CSMD1: variants seen among roughly 807,000 people sequenced by gnomAD.
CSMD1 encodes CUB and sushi domain-containing protein 1.
A neutral mutation model predicts 417.5 loss-of-function variants in CSMD1; 213 were observed. The observed-to-expected ratio is 0.51, with a 90% CI of 0.46 to 0.57. The LOEUF (loss-of-function observed/expected upper bound fraction) is 0.57, where lower values mean the gene tolerates loss of function less well. Among genes scored for constraint, CSMD1 ranks in the 20% least tolerant of loss-of-function variants. CSMD1 has a pLI of 0.00. For synonymous variants in CSMD1, 2,862 were observed against 1,736.8 expected, an observed-to-expected ratio of 1.65 and a Z score of -16.11; for missense variants, 6,923 against 4,529.7, an observed-to-expected ratio of 1.53 and a Z score of -15.17.
intron 2 of CSMD1, among the ~76,000 whole-genome samples, chr8:4,597,720 A>G (rs1010381583): frequency 2.0e-5 from 3 of 152,300 alleles, no homozygotes; most frequent in South Asian, 4.1e-4. Context: ...GTTATATCAC[A>G]TGAAAAACTG....
At chr8:3,605,850 T>C (rs772658253) in intron 8 of CSMD1, among the ~76,000 whole-genome samples, 35 of 152,338 alleles carry the variant, frequency 2.3e-4, no homozygotes, top group Admixed American at 1.8e-3. Flanking sequence ...TGTTAATCTA[T>C]TCTCTGATGA....
At position 3,210,578 on chromosome 8, in the gene CSMD1, G is replaced by T. The variant is rs964782313; in HGVS notation, c.4867+3919C>A. ...ATATATGTATAATTCCTATACATATGTGTATAAATTAATATATAGGTGTGT... is the reference window on the plus strand; with the variant it reads ...ATATATGTATAATTCCTATACATATTTGTATAAATTAATATATAGGTGTGT... On this transcript the variant is annotated intron_variant, in intron 30 of 69. Transcript: ENST00000635120. 3.7e-5 allele frequency among the ~76,000 whole-genome samples: 4 copies of T among 107,994 alleles called. No individual in the cohort carries two copies. In the South Asian group the frequency reaches 1.2e-3, roughly 32 times the overall value. The allele number at this position is 107,994 out of a possible 152,430, so 70.8% of individuals were successfully genotyped here.
At chr8:3,102,449 G>GT (rs1815826073) in intron 46 of CSMD1, among the ~76,000 whole-genome samples, 1 of 152,170 alleles carries the variant, frequency 6.6e-6, no homozygotes, top group Non-Finnish European at 1.5e-5. Context: ...AAACTTCAGC[G>GT]TGAGTAAAAG....
chr8:4,423,356 T>C (rs190768221), intron 2 of CSMD1, among the ~76,000 whole-genome samples: 17 of 152,230 alleles, frequency 1.1e-4, no homozygotes, highest in Admixed American at 9.8e-4. Context: ...CTTGATATCA[T>C]CAAACGTGCA....
intron 5 of CSMD1, among the ~76,000 whole-genome samples, chr8:3,764,735 CTTTCTTTT>C (rs1403896539): frequency 8.5e-5 from 9 of 105,406 alleles, no homozygotes; most frequent in Non-Finnish European, 1.4e-4. Flanking sequence ...GCCCTTTTCT[CTTTCTTTT>C]TTTTTTTTTT....
chr8:3,414,828 G>T (rs963426353), intron 12 of CSMD1, among the ~76,000 whole-genome samples: 6 of 152,056 alleles, frequency 3.9e-5, no homozygotes, highest in African/African-American at 7.2e-5. Flanking sequence ...TCTTTCCTCT[G>T]TTGTCTTATT....
chr8:4,343,181 G>A (rs932424002), intron 3 of CSMD1, among the ~76,000 whole-genome samples: 8 of 152,110 alleles, frequency 5.3e-5, no homozygotes, highest in Non-Finnish European at 1.0e-4. Context: ...TACAAGGAGT[G>A]CTTCAGCTTG....
chr8:4,798,534 T>A (rs1211927912), intron 1 of CSMD1, among the ~76,000 whole-genome samples: 1 of 152,200 alleles, frequency 6.6e-6, no homozygotes, highest in African/African-American at 2.4e-5. Context: ...GGTTAGTATC[T>A]GACAACTAGT....
intron 7 of CSMD1, among the ~76,000 whole-genome samples, chr8:3,619,647 A>T (rs1350597240): frequency 6.6e-6 from 1 of 152,200 alleles, no homozygotes; most frequent in East Asian, 1.9e-4. Flanking sequence ...AGCAAGACAC[A>T]TAATAATCAA....
intron 5 of CSMD1, among the ~76,000 whole-genome samples, chr8:3,863,782 T>C (rs1000385981): frequency 2.0e-5 from 3 of 152,202 alleles, no homozygotes; most frequent in African/African-American, 7.2e-5. Context: ...TACTAGTTTT[T>C]CTGCTTAAAA....
At chr8:3,831,993 AT>A (rs751587328) in intron 5 of CSMD1, among the ~76,000 whole-genome samples, 2 of 152,232 alleles carry the variant, frequency 1.3e-5, no homozygotes, top group East Asian at 3.9e-4. Context: ...CACCATCCAC[AT>A]TTTTTGGTAA....
At chr8:3,781,023 G>T (rs922898857) in intron 5 of CSMD1, among the ~76,000 whole-genome samples, 1 of 152,112 alleles carries the variant, frequency 6.6e-6, no homozygotes, top group South Asian at 2.1e-4. Flanking sequence ...AAAGTATTTC[G>T]TAGGGGAAAC....
chr8:4,037,682 G>A (rs985174666), intron 3 of CSMD1, among the ~76,000 whole-genome samples: 2 of 152,070 alleles, frequency 1.3e-5, no homozygotes, highest in African/African-American at 4.8e-5. Flanking sequence ...ATTTTAAAGG[G>A]GAAGGTGTGA....
intron 5 of CSMD1, among the ~76,000 whole-genome samples, chr8:3,821,639 G>A (rs907083955): frequency 1.3e-5 from 2 of 152,032 alleles, no homozygotes; most frequent in Non-Finnish European, 2.9e-5. Context: ...AAAATTAGCC[G>A]GGCATGGTGG....
intron 10 of CSMD1, among the ~76,000 whole-genome samples, chr8:3,527,031 G>C (rs904726817): frequency 2.0e-5 from 3 of 152,002 alleles, no homozygotes; most frequent in Non-Finnish European, 2.9e-5. Flanking sequence ...AATGTGGCTG[G>C]GCTGCAGTTG....
intron 5 of CSMD1, among the ~76,000 whole-genome samples, chr8:3,865,965 T>G (rs899318247): frequency 4.6e-5 from 7 of 152,174 alleles, no homozygotes; most frequent in African/African-American, 1.4e-4. Flanking sequence ...ATTAAAATAA[T>G]GAAAAGTGAA....
At chr8:3,593,934 A>G (rs1426794884) in intron 8 of CSMD1, among the ~76,000 whole-genome samples, 1 of 152,138 alleles carries the variant, frequency 6.6e-6, no homozygotes, top group Non-Finnish European at 1.5e-5. Flanking sequence ...AATCAGTTAT[A>G]TGGGGAGTTT....
intron 4 of CSMD1, among the ~76,000 whole-genome samples, chr8:4,022,897 T>C (rs1254941725): frequency 2.0e-5 from 3 of 152,110 alleles, no homozygotes; most frequent in African/African-American, 7.2e-5. Flanking sequence ...ATACATGGAT[T>C]ATTGTGATGA....
At chr8:4,473,752 T>C (rs1035987899) in intron 2 of CSMD1, among the ~76,000 whole-genome samples, 2 of 152,200 alleles carry the variant, frequency 1.3e-5, no homozygotes, top group Non-Finnish European at 2.9e-5. Flanking sequence ...TTAGTTTCTT[T>C]TCAACCAAAT....
Sources: allele counts gnomAD v4.1 joint callset (sites outside exome capture counted in the v4.1 genomes callset), GRCh38; gene constraint gnomAD v4.1.1; transcripts MANE v1.5; gene names NCBI Gene and HGNC (gene_info 2026-07-23, HGNC 2026-07-21).